The following XG variants were observed in gnomAD, a reference collection of about 807,000 sequenced individuals.
The protein encoded by XG is Xg glycoprotein (Xg blood group), also known as glycoprotein Xg.
A neutral mutation model predicts 25.7 loss-of-function variants in XG; 24 were observed. The ratio of observed to expected loss-of-function variants is 0.93; its 90% CI spans 0.68 to 1.31. The LOEUF (loss-of-function observed/expected upper bound fraction) is 1.31. Among genes scored for constraint, XG ranks in the 40% most tolerant of loss-of-function variants. XG has a pLI of 0.00. For missense variants in XG, 181 were observed against 187.6 expected (o/e 0.96, Z 0.21); for synonymous variants, 77 against 69.2 (o/e 1.11, Z -0.56).
intron 2 of XG, among the ~76,000 whole-genome samples, chrX:2,771,561 C>T (rs191044362): frequency 1.9e-4 from 29 of 152,244 alleles, no homozygotes; most frequent in African/African-American, 4.1e-4. Context: ...ATTCAGACCG[C>T]GGTGGGTGGG....
chrX:2,774,571 C>G (rs1393153115), intron 2 of XG, 145 bp from the exon 3 acceptor site: 2 of 890,526 alleles, frequency 2.2e-6, no homozygotes, highest in East Asian at 5.0e-5. Context: ...TTTCTCAATT[C>G]AACATGGAAT....
At chrX:2,772,000 G>GCAAA (rs1370714416) in intron 2 of XG, among the ~76,000 whole-genome samples, 5 of 152,154 alleles carry the variant, frequency 3.3e-5, no homozygotes. Flanking sequence ...GCAGGTGTGT[G>GCAAA]GTTGCAACCA....
At chrX:2,764,510 T>G (rs1172024032) in intron 1 of XG, among the ~76,000 whole-genome samples, 1 of 152,076 alleles carries the variant, frequency 6.6e-6, no homozygotes, top group Admixed American at 6.6e-5. Context: ...ATTGCTGAAC[T>G]GGAGTCAAAG....
chrX:2,795,801 G>C (rs1462347857), intron 6 of XG, among the ~76,000 whole-genome samples: 7 of 110,309 alleles, frequency 6.3e-5, no homozygotes, highest in African/African-American at 2.3e-4. Context: ...GGGATTACAG[G>C]CGCCTGCCAG....
chrX:2,770,917 C>T (rs1479703393), intron 2 of XG, among the ~76,000 whole-genome samples: 18 of 152,088 alleles, frequency 1.2e-4, no homozygotes, highest in Admixed American at 1.1e-3. Context: ...GCAATCATAG[C>T]TTACCACATA....
chrX:2,772,694 C>T (rs967811686), intron 2 of XG, among the ~76,000 whole-genome samples: 1 of 152,206 alleles, frequency 6.6e-6, no homozygotes, highest in Non-Finnish European at 1.5e-5. Flanking sequence ...TTTAAAATGT[C>T]AAATTTTATA....
At chrX:2,783,094 C>G (rs1483178859) in intron 4 of XG, among the ~76,000 whole-genome samples, 1 of 111,467 alleles carries the variant, frequency 9.0e-6, no homozygotes, top group Admixed American at 9.6e-5. Context: ...TCAAAGGACA[C>G]TTTGCATTAT....
chrX:2,795,197 CTTTATA>C (rs1415639526), intron 6 of XG, among the ~76,000 whole-genome samples: 3 of 99,997 alleles, frequency 3.0e-5, no homozygotes, highest in African/African-American at 7.2e-5. Flanking sequence ...GTATATATAT[CTTTATA>C]TTTATATGCA....
chrX:2,770,518 G>A (rs749913571), intron 1 of XG, 32 bp from the exon 2 acceptor site: 4 of 1,613,692 alleles, frequency 2.5e-6, no homozygotes, highest in Non-Finnish European at 3.4e-6. Context: ...TTTCCATCAT[G>A]GGGTGACTTA....
intron 1 of XG, among the ~76,000 whole-genome samples, chrX:2,762,360 G>A (rs899570016): frequency 2.0e-5 from 3 of 151,966 alleles, no homozygotes; most frequent in Non-Finnish European, 2.9e-5. Flanking sequence ...AGTCAAGAAC[G>A]GGGCCAGTTG....
At chrX:2,785,725 G>A (rs1294466631) in intron 4 of XG, among the ~76,000 whole-genome samples, 1 of 111,628 alleles carries the variant, frequency 9.0e-6, no homozygotes, top group Non-Finnish European at 1.9e-5. Context: ...CTTAACCAGT[G>A]TTCTTGCCCA....
At chrX:2,775,336 G>T (rs2050953897) in intron 3 of XG, among the ~76,000 whole-genome samples, 1 of 152,208 alleles carries the variant, frequency 6.6e-6, no homozygotes, top group African/African-American at 2.4e-5. Context: ...CAAAGTGGTT[G>T]AGCCTCAAAA....
intron 6 of XG, among the ~76,000 whole-genome samples, chrX:2,795,095 A>G (rs2086871542): frequency 9.1e-6 from 1 of 109,433 alleles, no homozygotes; most frequent in South Asian, 3.9e-4. Flanking sequence ...TATATACAGT[A>G]CGTGGATACC....
chrX:2,796,122 C>A (rs768547384), intron 6 of XG, among the ~76,000 whole-genome samples: 1 of 105,085 alleles, frequency 9.5e-6, no homozygotes, highest in Non-Finnish European at 1.9e-5. Flanking sequence ...TACATATATA[C>A]CTATATATGC....
At chrX:2,794,468 G>A (rs777601581) in intron 5 of XG, 67 bp from the exon 6 acceptor site, 20 of 1,137,213 alleles carry the variant, frequency 1.8e-5, no homozygotes, top group East Asian at 3.2e-5. Context: ...TGCCCCCAGC[G>A]CAGACCTGGT....
chrX:2,766,824 C>T (rs2050709009), intron 1 of XG, among the ~76,000 whole-genome samples: 1 of 152,070 alleles, frequency 6.6e-6, no homozygotes, highest in Non-Finnish European at 1.5e-5. Flanking sequence ...CTCGGCCTCC[C>T]AAAGTGCTGG....
chrX:2,775,542 T>A (rs923196783), intron 3 of XG, among the ~76,000 whole-genome samples: 1 of 152,220 alleles, frequency 6.6e-6, no homozygotes, highest in African/African-American at 2.4e-5. Flanking sequence ...ATTCTGGAAG[T>A]ACACAGAGGT....
rs756316105 is a variant in XG, at chrX:2,777,814, A to G, written c.127+3075A>G. Among the ~76,000 whole-genome samples, 16 of 152,330 alleles carry G rather than the reference A, an allele frequency of 1.1e-4. No individual in the cohort carries two copies. The East Asian group carries it at 1.5e-3, about 15-fold the overall frequency. ...AGTGGCTCACGCCTGTAATCCCAGCACTGTAGGAAGCCGAGGCGGGTGGAT... is the reference window on the plus strand; with the variant it reads ...AGTGGCTCACGCCTGTAATCCCAGCGCTGTAGGAAGCCGAGGCGGGTGGAT... On this transcript the variant is annotated intron_variant, in intron 3 of 10. Transcript: ENST00000644266.
Position 2,782,096 on chromosome X carries a change from A to G in XG, c.158A>G (p.Tyr53Cys). 1 of 1,211,670 alleles carries G rather than the reference A, an allele frequency of 8.3e-7. No homozygotes were observed. The highest frequency in any genetic ancestry group is 1.1e-6 in the Non-Finnish European group (1 of 895,437). The change falls in exon 4 of 11, where the codon TAC becomes TGC. Residue 53 changes from tyrosine (Y) to cysteine (C), a missense_variant. Transcript: ENST00000644266. The stretch of plus-strand genomic sequence containing the variant: ...TACCCAAAGCCAAAACCACCTTACT[A>G]CCCACAGCCCGAGAATCCCGACAGC... ...DIYPKPKPPY[Y>C]PQPENPDSGG...
Sources: gnomAD v4.1 joint callset for allele counts (sites outside exome capture counted in the v4.1 genomes callset) on GRCh38, gnomAD v4.1.1 for gene constraint, MANE v1.5 for transcripts, NCBI Gene and HGNC (gene_info 2026-07-23, HGNC 2026-07-21) for gene names.